The following NRXN3 variants were observed in gnomAD, a reference collection of about 807,000 sequenced individuals.
NRXN3 encodes neurexin 3, also known as neurexin III.
In NRXN3, 32 loss-of-function variants were observed where a neutral mutation model predicts 137.6. That is an observed-to-expected ratio of 0.23 (90% confidence interval 0.18 to 0.31). The LOEUF (loss-of-function observed/expected upper bound fraction) is 0.31. NRXN3 is among the 10% of genes least tolerant of loss of function. The pLI is 1.00. For missense variants in NRXN3, 1,574 were observed against 2,062.5 expected (o/e 0.76, Z 4.59); for synonymous variants, 798 against 784.5 (o/e 1.02, Z -0.29).
rs1271683980 is a variant in NRXN3 at position 79,863,310 on chromosome 14, T to C, written c.*1346T>C. The C allele has an allele frequency of 6.7e-6, 1 of 150,330 alleles. No individual in the cohort carries two copies. Among genetic ancestry groups the C allele is most frequent in the Non-Finnish European group, 1.5e-5 (1 of 67,646 alleles). The allele number at this position is 150,330 out of a possible 1,614,324, so 9.3% of individuals were successfully genotyped here. A position where few individuals can be genotyped will look rare whatever the true frequency, so the allele number is the denominator to read the frequency against. Reference sequence around the variant, plus strand: ...CACACACAAAAGGAATTTAATAGTATAATATATATATAAATAAATATATAT... The same window carrying C: ...CACACACAAAAGGAATTTAATAGTACAATATATATATAAATAAATATATAT... On this transcript the variant is annotated 3_prime_UTR_variant, in exon 21 of 21. Coordinates refer to ENST00000335750, the MANE Select transcript of NRXN3 (RefSeq NM_001330195.2).
intron 14 of NRXN3, among the ~76,000 whole-genome samples, chr14:78,981,134 T>C (rs1327392386): frequency 2.6e-5 from 4 of 152,214 alleles, no homozygotes; most frequent in African/African-American, 9.6e-5. Context: ...GAATTGTCTG[T>C]CATGCTTATA....
At chr14:79,391,718 C>T (rs116868024) in intron 15 of NRXN3, among the ~76,000 whole-genome samples, 3,745 of 152,266 alleles carry the variant, frequency 0.025, 70 homozygotes, top group Non-Finnish European at 0.035. Context: ...ATGAGAATTA[C>T]ACAGATTCAT....
intron 8 of NRXN3, among the ~76,000 whole-genome samples, chr14:78,760,660 G>A (rs747016512): frequency 1.3e-5 from 2 of 151,712 alleles, no homozygotes; most frequent in African/African-American, 2.4e-5. Context: ...ATCAGAAATC[G>A]TCACTTCCTA....
chr14:79,081,115 A>T (rs1157727791), intron 15 of NRXN3, among the ~76,000 whole-genome samples: 1 of 152,188 alleles, frequency 6.6e-6, no homozygotes, highest in Non-Finnish European at 1.5e-5. Context: ...AACTTTTCAG[A>T]ACCATCAATG....
intron 17 of NRXN3, among the ~76,000 whole-genome samples, chr14:79,687,059 T>C (rs2098698220): frequency 6.6e-6 from 1 of 152,230 alleles, no homozygotes; most frequent in Non-Finnish European, 1.5e-5. Flanking sequence ...TTTCTTTACC[T>C]TGGCACATTA....
intron 15 of NRXN3, among the ~76,000 whole-genome samples, chr14:79,248,130 G>A (rs949107214): frequency 6.6e-6 from 1 of 152,190 alleles, no homozygotes; most frequent in Non-Finnish European, 1.5e-5. Flanking sequence ...GCCATGTTCA[G>A]TTGAAGTCCA....
intron 20 of NRXN3, among the ~76,000 whole-genome samples, chr14:79,847,460 C>T (rs1021014009): frequency 1.3e-5 from 2 of 152,184 alleles, no homozygotes; most frequent in African/African-American, 4.8e-5. Context: ...CTCCTGCCCT[C>T]TACCAAACTG....
chr14:79,446,109 G>A (rs993840540), intron 15 of NRXN3, among the ~76,000 whole-genome samples: 13 of 152,116 alleles, frequency 8.5e-5, no homozygotes, highest in African/African-American at 3.1e-4. Context: ...TTGAGGAGAG[G>A]CAGACAAAAA....
chr14:78,963,776 G>A (rs2099412541), intron 11 of NRXN3, among the ~76,000 whole-genome samples: 1 of 151,972 alleles, frequency 6.6e-6, no homozygotes, highest in Non-Finnish European at 1.5e-5. Flanking sequence ...GTGCTTATAG[G>A]GAATATAAGA....
intron 15 of NRXN3, among the ~76,000 whole-genome samples, chr14:79,116,407 A>G (rs1308199656): frequency 6.6e-6 from 1 of 152,174 alleles, no homozygotes; most frequent in East Asian, 1.9e-4. Context: ...GCTGTAATGG[A>G]TGCAAAATTA....
rs57154485 is a variant in NRXN3, at chr14:79,036,593, G to GTTT, written c.3262+48483_3262+48485dup. On this transcript the variant is annotated intron_variant, in intron 15 of 20. Transcript: ENST00000335750. Reference sequence around the variant, plus strand: ...TTTTATTGTATTGTTTTCGTTTTGGGTTTTTTTTTTTTTTTTTTTTTTTTT... The same window carrying GTTT: ...TTTTATTGTATTGTTTTCGTTTTGGGTTTTTTTTTTTTTTTTTTTTTTTTTTTT... Among the ~76,000 whole-genome samples the GTTT allele has an allele frequency of 4.0e-4, 41 of 101,648 alleles. No individual in the cohort carries two copies. The East Asian group carries it at 7.7e-3, about 19-fold the overall frequency. 66.7% of individuals were successfully genotyped at this position (101,648 alleles called of 152,430 possible).
intron 15 of NRXN3, among the ~76,000 whole-genome samples, chr14:79,313,878 T>A (rs2153232031): frequency 7.7e-6 from 1 of 129,148 alleles, no homozygotes; most frequent in African/African-American, 3.0e-5. Flanking sequence ...GCCTTTGGTT[T>A]GAATGTCCTC....
At chr14:78,464,127 G>A (rs1198174487) in intron 4 of NRXN3, among the ~76,000 whole-genome samples, 1 of 150,176 alleles carries the variant, frequency 6.7e-6, no homozygotes, top group Admixed American at 6.7e-5. Context: ...ATCTCAGCTC[G>A]CTGCAGCCTC....
intron 4 of NRXN3, among the ~76,000 whole-genome samples, chr14:78,556,092 T>C (rs376029124): frequency 1.2e-4 from 18 of 152,356 alleles, no homozygotes; most frequent in African/African-American, 3.4e-4. Flanking sequence ...ATCTCCCTTC[T>C]AGCACAGGCT....
At chr14:78,360,864 A>C (rs1473368029) in intron 4 of NRXN3, among the ~76,000 whole-genome samples, 1 of 152,116 alleles carries the variant, frequency 6.6e-6, no homozygotes, top group Non-Finnish European at 1.5e-5. Flanking sequence ...GTTACTTGGG[A>C]AAGTTGTCTT....
In NRXN3 at chr14:79,853,947, C is replaced by T. The variant is rs993715764; in HGVS notation, c.4094-7395C>T. ...AAAAATTGATGCCCTCCCAAACCCC[C>T]CAAAGTAAAAATTTGTTAAAGTGCA... is the stretch of plus-strand genomic sequence containing the variant. On this transcript the variant is annotated intron_variant, in intron 20 of 20. Coordinates refer to ENST00000335750, the MANE Select transcript of NRXN3 (RefSeq NM_001330195.2). 31 of 988,584 alleles carry T rather than the reference C, an allele frequency of 3.1e-5. 1 individual carries two copies. The highest frequency in any genetic ancestry group is 2.3e-4 in the South Asian group (5 of 21,764). The allele number at this position is 988,584 out of a possible 1,614,324, so 61.2% of individuals were successfully genotyped here.
At chr14:78,347,419 A>G (rs1422336220) in intron 4 of NRXN3, among the ~76,000 whole-genome samples, 1 of 152,202 alleles carries the variant, frequency 6.6e-6, no homozygotes, top group Admixed American at 6.5e-5. Flanking sequence ...ATGTTATCCC[A>G]CGGAGTGTTT....
chr14:78,654,416 G>A (rs2097770108), intron 6 of NRXN3, among the ~76,000 whole-genome samples: 1 of 152,146 alleles, frequency 6.6e-6, no homozygotes. Flanking sequence ...TAGGGACATG[G>A]CAAAGGGCCT....
At position 78,964,029 on chromosome 14, in the gene NRXN3, A is replaced by G. The variant is rs2099412993; in HGVS notation, c.2396-1996A>G. 3.3e-5 allele frequency among the ~76,000 whole-genome samples: 5 copies of G among 152,220 alleles called. No homozygotes were observed. The South Asian group carries it at 1.0e-3, about 32-fold the overall frequency. On this transcript the variant is annotated intron_variant, in intron 11 of 20. Transcript: ENST00000335750. ...AGTAATCTTTCTGTCTCGGCCTCCC[A>G]AAGTGCTGGGATTACAGGCATGAGC...
Sources: gnomAD v4.1 joint callset for allele counts (sites outside exome capture counted in the v4.1 genomes callset) on GRCh38, gnomAD v4.1.1 for gene constraint, MANE v1.5 for transcripts, NCBI Gene and HGNC (gene_info 2026-07-23, HGNC 2026-07-21) for gene names.